Variants in ZRANB3 observed in about 807,000 individuals in gnomAD.
The protein encoded by ZRANB3 is zinc finger RANBP2-type containing 3.
A neutral mutation model predicts 133.8 loss-of-function variants in ZRANB3; 125 were observed. The observed-to-expected ratio is 0.93, with a 90% CI of 0.81 to 1.08. The LOEUF (loss-of-function observed/expected upper bound fraction) is 1.08, where lower values mean the gene tolerates loss of function less well. ZRANB3 is among the 50% of genes least tolerant of loss of function. ZRANB3 has a pLI of 0.00. For synonymous variants in ZRANB3, 387 were observed against 432.7 expected (o/e 0.89, Z 1.31); for missense variants, 1,229 against 1,275.5 (o/e 0.96, Z 0.56).
intron 2 of ZRANB3, among the ~76,000 whole-genome samples, chr2:135,398,369 C>T (rs1687592884): frequency 6.6e-6 from 1 of 151,320 alleles, no homozygotes; most frequent in Non-Finnish European, 1.5e-5. Context: ...CCTGGCCCTA[C>T]ATGCCTGTTC....
chr2:135,265,176 A>G (rs2105112076), intron 12 of ZRANB3, among the ~76,000 whole-genome samples: 1 of 152,346 alleles, frequency 6.6e-6, no homozygotes, highest in African/African-American at 2.4e-5. Flanking sequence ...GACATTTTGT[A>G]TAACAAAACC....
intron 1 of ZRANB3, among the ~76,000 whole-genome samples, chr2:135,522,782 G>C (rs536897144): frequency 2.0e-5 from 3 of 152,304 alleles, no homozygotes; most frequent in African/African-American, 7.2e-5. Context: ...TAAGATCCTT[G>C]TGACATGTAG....
At position 135,504,345 on chromosome 2, in the gene ZRANB3, G is replaced by A; in HGVS notation, c.145C>T (p.Leu49Phe). The stretch of plus-strand genomic sequence containing the variant: ...GAACTTTACCTGCCATTTCTTTTGA[G>A]GGCAAAAATGATGCCATCTTTCTGG... ...PFQKDGIIFALKRNGRCMVAD... is the reference protein window; with the variant it reads ...PFQKDGIIFAFKRNGRCMVAD... Residue 49 changes from leucine to phenylalanine, a missense_variant, in exon 2 of 21, where the codon CTC (leucine) becomes TTC (phenylalanine). Physicochemically the swap from Leu to Phe is conservative, Grantham distance 22. Coordinates refer to ENST00000264159, the MANE Select transcript of ZRANB3 (RefSeq NM_032143.4). The A allele has an allele frequency of 3.7e-6, 6 of 1,613,320 alleles. No individual in the cohort carries two copies. Among genetic ancestry groups the A allele is most frequent in the Non-Finnish European group, 8.5e-7 (1 of 1,179,626 alleles).
intron 2 of ZRANB3, among the ~76,000 whole-genome samples, chr2:135,438,677 T>C (rs541861893): frequency 2.0e-5 from 3 of 152,302 alleles, no homozygotes; most frequent in South Asian, 4.1e-4. Context: ...TCTTAAATAA[T>C]GTACTTATTT....
intron 12 of ZRANB3, among the ~76,000 whole-genome samples, chr2:135,259,935 G>A (rs1679870424): frequency 6.6e-6 from 1 of 152,106 alleles, no homozygotes; most frequent in Non-Finnish European, 1.5e-5. Flanking sequence ...TTGGAGAAAG[G>A]AGCAAAAGAG....
At chr2:135,467,792 C>T (rs1278721147) in intron 2 of ZRANB3, among the ~76,000 whole-genome samples, 1 of 152,224 alleles carries the variant, frequency 6.6e-6, no homozygotes. Flanking sequence ...CTCTCATTAA[C>T]AGCACTCCAG....
chr2:135,374,592 C>T (rs1304663612), intron 3 of ZRANB3, among the ~76,000 whole-genome samples: 1 of 150,014 alleles, frequency 6.7e-6, no homozygotes, highest in African/African-American at 2.5e-5. Flanking sequence ...ATCTCTGCTT[C>T]CCAGGTTCAA....
At chr2:135,491,218 T>G (rs997289728) in intron 2 of ZRANB3, among the ~76,000 whole-genome samples, 26 of 152,304 alleles carry the variant, frequency 1.7e-4, no homozygotes, top group African/African-American at 6.0e-4. Flanking sequence ...ATTTAAATAA[T>G]CTGGTTTACA....
At chr2:135,267,267 C>T (rs572296166) in intron 11 of ZRANB3, among the ~76,000 whole-genome samples, 1 of 152,106 alleles carries the variant, frequency 6.6e-6, no homozygotes, top group African/African-American at 2.4e-5. Context: ...CTGGTGGGTA[C>T]CTGCGGAGTT....
chr2:135,504,619 T>A (rs1574219088), intron 1 of ZRANB3, 123 bp from the exon 2 acceptor site: 3 of 892,402 alleles, frequency 3.4e-6, no homozygotes, highest in South Asian at 4.2e-5. Context: ...ACCATTTATA[T>A]AAACTAAATC....
chr2:135,317,683 A>G (rs1683329227), intron 6 of ZRANB3, among the ~76,000 whole-genome samples: 1 of 152,156 alleles, frequency 6.6e-6, no homozygotes, highest in Non-Finnish European at 1.5e-5. Context: ...TAGTGCCAGG[A>G]CCTGGTCTGT....
intron 2 of ZRANB3, among the ~76,000 whole-genome samples, chr2:135,431,428 T>C (rs1478994221): frequency 6.6e-6 from 1 of 151,920 alleles, no homozygotes; most frequent in Non-Finnish European, 1.5e-5. Context: ...CTTTGTGATC[T>C]TGAGTTAGGC....
chr2:135,303,585 A>G (rs1402552971), intron 8 of ZRANB3, among the ~76,000 whole-genome samples: 1 of 152,090 alleles, frequency 6.6e-6, no homozygotes, highest in African/African-American at 2.4e-5. Flanking sequence ...CTTCTTATTA[A>G]GTATTTATAT....
chr2:135,248,745 A>G (rs1411514317), intron 12 of ZRANB3, among the ~76,000 whole-genome samples: 1 of 152,164 alleles, frequency 6.6e-6, no homozygotes, highest in African/African-American at 2.4e-5. Context: ...ATCCTTACAA[A>G]AACTACAAAA....
chr2:135,309,649 A>G (rs1376207331), intron 8 of ZRANB3, among the ~76,000 whole-genome samples: 1 of 152,228 alleles, frequency 6.6e-6, no homozygotes, highest in East Asian at 1.9e-4. Flanking sequence ...ATAAAAGGAC[A>G]CAAAATACCT....
Position 135,404,294 on chromosome 2 carries a change from T to A in ZRANB3, c.162-13474A>T, listed in dbSNP as rs549322260. On this transcript the variant is annotated intron_variant, in intron 2 of 20. Transcript: ENST00000264159. ...GCTGAAAACCAAGGCACGAGAACTATGTGACAAATGTACAAGTCTCAGTAG... is the reference window on the plus strand; with the variant it reads ...GCTGAAAACCAAGGCACGAGAACTAAGTGACAAATGTACAAGTCTCAGTAG... Among the ~76,000 whole-genome samples, 122 of 152,274 alleles carry A rather than the reference T, an allele frequency of 8.0e-4. 1 individual carries two copies. The highest frequency in any genetic ancestry group is 2.6e-3 in the African/African-American group (108 of 41,558).
intron 2 of ZRANB3, among the ~76,000 whole-genome samples, chr2:135,403,037 G>C (rs771354590): frequency 2.0e-5 from 3 of 152,176 alleles, no homozygotes; most frequent in African/African-American, 7.2e-5. Context: ...CGACGCAGAA[G>C]ACGGGTGATT....
intron 3 of ZRANB3, among the ~76,000 whole-genome samples, chr2:135,373,381 C>T (rs1173318238): frequency 6.6e-6 from 1 of 151,990 alleles, no homozygotes; most frequent in Non-Finnish European, 1.5e-5. Flanking sequence ...GTAGTGATAT[C>T]TGAAGAATGT....
At chr2:135,282,703 T>C (rs1681152467) in intron 8 of ZRANB3, among the ~76,000 whole-genome samples, 1 of 152,208 alleles carries the variant, frequency 6.6e-6, no homozygotes, top group Non-Finnish European at 1.5e-5. Flanking sequence ...TGGGATACAA[T>C]ACCTTGTGAA....
Sources: gnomAD v4.1 joint callset for allele counts (sites outside exome capture counted in the v4.1 genomes callset) on GRCh38, gnomAD v4.1.1 for gene constraint, MANE v1.5 for transcripts, NCBI Gene and HGNC (gene_info 2026-07-23, HGNC 2026-07-21) for gene names.